Variants in USP14 observed in about 807,000 individuals in gnomAD.
The protein encoded by USP14 is ubiquitin specific peptidase 14, also known as ubiquitin carboxyl-terminal hydrolase 14.
USP14 carries 38 observed loss-of-function variants against 76.5 expected under a neutral mutation model. The observed-to-expected ratio is 0.50, with a 90% confidence interval of 0.38 to 0.65. USP14 has a LOEUF of 0.65. Among genes scored for constraint, USP14 ranks in the 30% least tolerant of loss-of-function variants. The probability of loss-of-function intolerance (pLI) is 0.00; values close to 1 mark genes in which losing one functional copy is unlikely to be tolerated. For missense variants in USP14, 467 were observed against 586.5 expected (o/e 0.80, Z 2.10); for synonymous variants, 192 against 191.7 (o/e 1.00, Z -0.01).
intron 3 of USP14, among the ~76,000 whole-genome samples, chr18:170,268 C>T (rs959420374): frequency 2.0e-5 from 3 of 152,086 alleles, no homozygotes; most frequent in African/African-American, 4.8e-5. Flanking sequence ...CATGCCACTG[C>T]ACTCCAGCCT....
rs139964295 is a variant in USP14 at position 198,077 on chromosome 18, C to G, written c.706C>G (p.Pro236Ala). ...TDSSSASAAT[P>A]SKKKSLIDQF... ...CTCCTCATCTGCATCGGCAGCGACA[C>G]CTTCTAAAAAGAAAAGTTTAATCGA... is the stretch of plus-strand genomic sequence containing the variant. Residue 236 changes from proline to alanine, a missense_variant, in exon 9 of 16, where the codon CCT becomes GCT. Physicochemically the swap from Pro to Ala is conservative, Grantham distance 27 (BLOSUM62 -1). Coordinates refer to ENST00000261601, the MANE Select transcript of USP14 (RefSeq NM_005151.4). 6.2e-7 allele frequency: 1 copy of G among 1,610,936 alleles called. No individual in the cohort carries two copies. Among genetic ancestry groups the G allele is most frequent in the Admixed American group, 1.7e-5 (1 of 59,906 alleles).
chr18:202,328 G>A (rs113020722), intron 10 of USP14, among the ~76,000 whole-genome samples: 17 of 152,258 alleles, frequency 1.1e-4, no homozygotes, highest in Middle Eastern at 3.4e-3. Flanking sequence ...ACTGTTACAC[G>A]GGCTGTAAGA....
intron 2 of USP14, 100 bp downstream of exon 2, chr18:163,553 C>A: frequency 7.4e-7 from 1 of 1,349,962 alleles, no homozygotes; most frequent in Non-Finnish European, 1.0e-6. Context: ...ATTTGAAGTG[C>A]TTTTTTTATA....
rs573992002 is a variant in USP14, at chr18:173,255, C to G, written c.196-5678C>G. ...CCCGAGTAGCTGGGACTACAGGTGC[C>G]TGCCACCACACCCGGCTATTTTTTT... On this transcript the variant is annotated intron_variant, in intron 3 of 15. Transcript: ENST00000261601. Among the ~76,000 whole-genome samples the G allele has an allele frequency of 6.6e-5, 10 of 151,082 alleles. 1 individual carries two copies. The highest frequency in any genetic ancestry group is 3.3e-4 in the Admixed American group (5 of 15,174).
rs1910426975 is a variant in USP14, at chr18:203,077, C to G, written c.943-21C>G. 10 of 1,611,542 alleles carry G rather than the reference C, an allele frequency of 6.2e-6. No individual in the cohort carries two copies. The South Asian group carries it at 9.9e-5, about 16-fold the overall frequency. On this transcript the variant is annotated intron_variant, in intron 11 of 15. Coordinates refer to ENST00000261601, the MANE Select transcript of USP14 (RefSeq NM_005151.4). Reference sequence around the variant, plus strand: ...ATGGTATTTTGATGTAATGGGATTTCTTTACATTTTGTCTCCTCAGTCCAA... The same window carrying G: ...ATGGTATTTTGATGTAATGGGATTTGTTTACATTTTGTCTCCTCAGTCCAA...
chr18:178,978 G>T lies in USP14; in HGVS notation c.241G>T (p.Glu81Ter). 1 of 1,613,328 alleles carries T rather than the reference G, an allele frequency of 6.2e-7. No individual in the cohort carries two copies. The part of the protein sequence containing the change: ...MMGSADALPE[E>*]PSAKTVFVED... ...GGGGTCAGCAGATGCTCTTCCAGAA[G>T]AACCCTCAGCCAAAACTGTCTTCGT... The change falls in exon 4 of 16, where the codon GAA becomes TAA. Residue 81 changes from glutamate to a stop codon, truncating the protein, a stop_gained. Coordinates refer to ENST00000261601, the MANE Select transcript of USP14 (RefSeq NM_005151.4). LOFTEE classifies it high-confidence loss of function.
chr18:165,145 C>T (rs1909233053), intron 2 of USP14, among the ~76,000 whole-genome samples: 2 of 152,098 alleles, frequency 1.3e-5, no homozygotes, highest in African/African-American at 4.8e-5. Context: ...GACAGTGTTT[C>T]ACCATGTTGG....
At chr18:204,155 C>G (rs571822109) in intron 12 of USP14, among the ~76,000 whole-genome samples, 3 of 151,512 alleles carry the variant, frequency 2.0e-5, no homozygotes, top group Admixed American at 6.6e-5. Context: ...AGCTATTGAA[C>G]TATATCACTA....
intron 2 of USP14, among the ~76,000 whole-genome samples, chr18:164,758 T>G (rs1212626497): frequency 6.6e-6 from 1 of 151,916 alleles, no homozygotes; most frequent in East Asian, 1.9e-4. Flanking sequence ...CCAGCCCCCT[T>G]TTTTCTAAAC....
At chr18:190,455 C>T (rs2143044908) in intron 5 of USP14, among the ~76,000 whole-genome samples, 1 of 152,196 alleles carries the variant, frequency 6.6e-6, no homozygotes, top group South Asian at 2.1e-4. Context: ...CCATCTGTTC[C>T]ACATCCACCC....
At chr18:183,001 C>T (rs1229535016) in intron 5 of USP14, among the ~76,000 whole-genome samples, 1 of 152,212 alleles carries the variant, frequency 6.6e-6, no homozygotes, top group South Asian at 2.1e-4. Context: ...TACTGACATT[C>T]AAATTATCCT....
In USP14 at chr18:192,852, G is replaced by T; in HGVS notation, c.415G>T (p.Ala139Ser). 3 of 1,613,724 alleles carry T rather than the reference G, an allele frequency of 1.9e-6. No individual in the cohort carries two copies. Among genetic ancestry groups the T allele is most frequent in the Non-Finnish European group, 2.5e-6 (3 of 1,179,830 alleles). The change falls in exon 6 of 16, where the codon GCC (alanine) becomes TCC (serine). Residue 139 changes from alanine (A) to serine (S), a missense_variant. Transcript: ENST00000261601. The part of the protein sequence containing the change: ...LKDALKRYAG[A>S]LRASGEMASA... ...CTTTAATGTTCCTAGGTATGCAGGT[G>T]CCTTGAGAGCTTCAGGGGAAATGGC... is the stretch of plus-strand genomic sequence containing the variant.
intron 1 of USP14, 99 bp from the exon 2 acceptor site, chr18:163,209 G>A: frequency 8.9e-7 from 1 of 1,128,436 alleles, no homozygotes; most frequent in African/African-American, 1.6e-5. Flanking sequence ...TGAATGACAT[G>A]TTTTGACTCC....
At chr18:179,159 T>C (rs1909711304) in intron 4 of USP14, 122 bp downstream of exon 4, 2 of 620,564 alleles carry the variant, frequency 3.2e-6, no homozygotes, top group South Asian at 5.0e-5. Context: ...AAGATAGATA[T>C]TTTTAGCAGT....
chr18:167,999 G>A (rs965885921), intron 3 of USP14, among the ~76,000 whole-genome samples: 2 of 143,506 alleles, frequency 1.4e-5, no homozygotes, highest in African/African-American at 2.6e-5. Flanking sequence ...GTGCAATGGC[G>A]CGATCTCGGC....
intron 2 of USP14, among the ~76,000 whole-genome samples, chr18:164,096 C>G (rs1373392080): frequency 2.0e-5 from 3 of 152,142 alleles, no homozygotes; most frequent in African/African-American, 7.2e-5. Flanking sequence ...CCAGATACCT[C>G]TGTGGGTCAG....
At chr18:173,338 C>A (rs1909527345) in intron 3 of USP14, among the ~76,000 whole-genome samples, 1 of 151,788 alleles carries the variant, frequency 6.6e-6, no homozygotes, top group African/African-American at 2.4e-5. Flanking sequence ...GTCTCTATCT[C>A]CTGACCTCGT....
chr18:193,240 T>C (rs1391800313), intron 6 of USP14, among the ~76,000 whole-genome samples: 1 of 152,166 alleles, frequency 6.6e-6, no homozygotes, highest in African/African-American at 2.4e-5. Context: ...AAGAGGGTCT[T>C]AGTGAATATT....
intron 3 of USP14, among the ~76,000 whole-genome samples, chr18:172,972 G>A (rs376044972): frequency 1.3e-5 from 2 of 152,048 alleles, no homozygotes; most frequent in Non-Finnish European, 2.9e-5. Context: ...ATCTAAGTCA[G>A]TTGATCACAT....
Sources: allele counts gnomAD v4.1 joint callset (sites outside exome capture counted in the v4.1 genomes callset), GRCh38; gene constraint gnomAD v4.1.1; transcripts MANE v1.5; gene names NCBI Gene and HGNC (gene_info 2026-07-23, HGNC 2026-07-21).